GLRB: variants seen among roughly 807,000 people sequenced by gnomAD.
GLRB encodes the protein glycine receptor subunit beta.
GLRB carries 33 observed loss-of-function variants against 54.2 expected under a neutral mutation model. The observed-to-expected ratio is 0.61, with a 90% CI of 0.46 to 0.81. GLRB has a LOEUF of 0.81. Among genes scored for constraint, GLRB ranks in the 40% least tolerant of loss-of-function variants. The pLI, the probability that GLRB is intolerant of heterozygous loss-of-function variation, is 0.00. For missense variants in GLRB, 572 were observed against 584.6 expected, an observed-to-expected ratio of 0.98 and a Z score of 0.22; for synonymous variants, 209 against 208.2, an observed-to-expected ratio of 1.00 and a Z score of -0.03.
rs1341734426 is a variant in GLRB at position 157,152,736 on chromosome 4, G to A, written c.923G>A (p.Ser308Asn). Residue 308 changes from serine to asparagine, a missense_variant, in exon 9 of 10, where the codon AGC (serine) becomes AAC (asparagine). Ser to Asn is a conservative substitution (Grantham distance 46). Coordinates refer to ENST00000264428, the MANE Select transcript of GLRB (RefSeq NM_000824.5). ...TCTGTAGGTATCTTCTCAGTCCTCA[G>A]CTTGGCCTCTGAGTGCACAACCCTT... is the stretch of plus-strand genomic sequence containing the variant. ...RVPLGIFSVLSLASECTTLAA... is the reference protein window; with the variant it reads ...RVPLGIFSVLNLASECTTLAA... 1 of 1,613,522 alleles carries A rather than the reference G, an allele frequency of 6.2e-7. No homozygotes were observed. The highest frequency in any genetic ancestry group is 8.5e-7 in the Non-Finnish European group (1 of 1,179,666).
At chr4:157,096,494 G>T (rs947636831) in intron 2 of GLRB, among the ~76,000 whole-genome samples, 2 of 152,114 alleles carry the variant, frequency 1.3e-5, no homozygotes, top group African/African-American at 4.8e-5. Context: ...TCAATAAAAA[G>T]TTACATTGGT....
intron 2 of GLRB, among the ~76,000 whole-genome samples, chr4:157,092,547 C>T (rs986078950): frequency 1.3e-5 from 2 of 152,042 alleles, no homozygotes; most frequent in Non-Finnish European, 2.9e-5. Flanking sequence ...ATATAGAACA[C>T]CTAATTATGG....
intron 2 of GLRB, among the ~76,000 whole-genome samples, chr4:157,116,365 A>G (rs919250485): frequency 4.6e-5 from 7 of 151,774 alleles, no homozygotes; most frequent in Admixed American, 1.3e-4. Flanking sequence ...CTGCTTTTTA[A>G]TATATTGGAA....
At chr4:157,078,278 C>A in intron 2 of GLRB, 132 bp downstream of exon 2, 2 of 1,467,658 alleles carry the variant, frequency 1.4e-6, no homozygotes, top group Non-Finnish European at 1.8e-6. Context: ...GTTACAGAGA[C>A]AGAAAATGAT....
At chr4:157,111,246 C>T (rs1735408250) in intron 2 of GLRB, among the ~76,000 whole-genome samples, 1 of 151,996 alleles carries the variant, frequency 6.6e-6, no homozygotes, top group Non-Finnish European at 1.5e-5. Context: ...TACTTCCGTT[C>T]CTTGCTGTGC....
At chr4:157,133,449 CAAA>C (rs1399995576) in intron 4 of GLRB, among the ~76,000 whole-genome samples, 2 of 151,882 alleles carry the variant, frequency 1.3e-5, no homozygotes, top group East Asian at 3.9e-4. Flanking sequence ...TCTTCAGAGT[CAAA>C]ATTAGATGTC....
intron 8 of GLRB, among the ~76,000 whole-genome samples, chr4:157,148,441 T>C (rs993893128): frequency 6.6e-6 from 1 of 152,206 alleles, no homozygotes; most frequent in Non-Finnish European, 1.5e-5. Flanking sequence ...TTGTAATTGC[T>C]GAAAGTAGGA....
intron 7 of GLRB, among the ~76,000 whole-genome samples, chr4:157,142,747 C>T (rs1482587687): frequency 6.6e-6 from 1 of 152,004 alleles, no homozygotes; most frequent in Non-Finnish European, 1.5e-5. Context: ...TAATTTGTTT[C>T]ACCATTTTAA....
At chr4:157,136,401 TGGGGCCG>T in intron 4 of GLRB, 61 bp from the exon 5 acceptor site, 3 of 901,082 alleles carry the variant, frequency 3.3e-6, no homozygotes, top group Admixed American at 3.7e-5. Flanking sequence ...CTTTTTGTTT[TGGGGCCG>T]AATAAGTTCT....
chr4:157,153,376 G>A (rs889367546), intron 9 of GLRB, among the ~76,000 whole-genome samples: 5 of 152,084 alleles, frequency 3.3e-5, no homozygotes, highest in Admixed American at 1.3e-4. Context: ...TGAAAGGCCC[G>A]AGGACTGTGG....
chr4:157,084,603 A>C (rs1203899263), intron 2 of GLRB: 1 of 456,068 alleles, frequency 2.2e-6, no homozygotes, highest in Non-Finnish European at 4.4e-6. Context: ...TCATAAACTA[A>C]AAATTGTGTG....
At chr4:157,106,096 T>C (rs1004125029) in intron 2 of GLRB, among the ~76,000 whole-genome samples, 4 of 152,144 alleles carry the variant, frequency 2.6e-5, no homozygotes, top group Non-Finnish European at 5.9e-5. Flanking sequence ...ATGAATTTCC[T>C]CAGCTATTGT....
chr4:157,101,963 C>A (rs1249369369), intron 2 of GLRB, among the ~76,000 whole-genome samples: 1 of 152,140 alleles, frequency 6.6e-6, no homozygotes, highest in East Asian at 1.9e-4. Flanking sequence ...GTGCCAGATT[C>A]TCCTTAGCAG....
chr4:157,143,372 G>A (rs768075759), intron 7 of GLRB, among the ~76,000 whole-genome samples: 2 of 151,844 alleles, frequency 1.3e-5, no homozygotes, highest in Non-Finnish European at 2.9e-5. Flanking sequence ...ACATATGGCT[G>A]AAAAATTATA....
At chr4:157,163,562 G>T (rs1457672433) in intron 9 of GLRB, among the ~76,000 whole-genome samples, 1 of 152,094 alleles carries the variant, frequency 6.6e-6, no homozygotes, top group Non-Finnish European at 1.5e-5. Flanking sequence ...TGTAGTATTT[G>T]GCAAGAATAG....
At chr4:157,153,950 A>T (rs1397897935) in intron 9 of GLRB, among the ~76,000 whole-genome samples, 1 of 152,176 alleles carries the variant, frequency 6.6e-6, no homozygotes, top group Non-Finnish European at 1.5e-5. Context: ...TGCGGTTCTT[A>T]GATGCAGAAG....
chr4:157,147,766 G>A (rs1736866200), intron 8 of GLRB, among the ~76,000 whole-genome samples: 1 of 152,116 alleles, frequency 6.6e-6, no homozygotes, highest in African/African-American at 2.4e-5. Flanking sequence ...TTGCCCCAAA[G>A]GTAAGCAAAC....
intron 2 of GLRB, among the ~76,000 whole-genome samples, chr4:157,092,900 A>G (rs1018044832): frequency 6.6e-6 from 1 of 152,204 alleles, no homozygotes; most frequent in Non-Finnish European, 1.5e-5. Context: ...CGAAAACAGT[A>G]GTCACAAAAG....
At chr4:157,109,912 G>A (rs1735355597) in intron 2 of GLRB, among the ~76,000 whole-genome samples, 2 of 151,934 alleles carry the variant, frequency 1.3e-5, no homozygotes, top group African/African-American at 4.8e-5. Flanking sequence ...CCCTCTCTGG[G>A]TACACCATCC....
Sources: allele counts gnomAD v4.1 joint callset (sites outside exome capture counted in the v4.1 genomes callset), GRCh38; gene constraint gnomAD v4.1.1; transcripts MANE v1.5; gene names NCBI Gene and HGNC (gene_info 2026-07-23, HGNC 2026-07-21).